The following ANKRD11 variants were observed in gnomAD, a reference collection of about 807,000 sequenced individuals.
ANKRD11 encodes the protein ankyrin repeat domain 11, also known as ankyrin repeat domain-containing protein 11.
In ANKRD11, 17 loss-of-function variants were observed where a neutral mutation model predicts 195.7. That is an observed-to-expected ratio of 0.09 (90% CI 0.06 to 0.13). The LOEUF is 0.13. Ranked by LOEUF, ANKRD11 falls within the 10% of genes least tolerant of loss-of-function variation. The pLI, the probability that ANKRD11 is intolerant of heterozygous loss-of-function variation, is 1.00. For missense variants in ANKRD11, 3,735 were observed against 3,566.1 expected (o/e 1.05, Z -1.21); for synonymous variants, 1,953 against 1,528.1 (o/e 1.28, Z -6.49).
chr16:89,301,455 C>A (rs2035848370), intron 4 of ANKRD11: 2 of 396,930 alleles, frequency 5.0e-6, no homozygotes, highest in Non-Finnish European at 8.9e-6. Context: ...AGGCCCCGGG[C>A]AGACAGGGCA....
intron 2 of ANKRD11, among the ~76,000 whole-genome samples, chr16:89,321,911 C>T (rs577902984): frequency 5.9e-5 from 9 of 152,254 alleles, no homozygotes; most frequent in South Asian, 2.1e-4. Context: ...ACCCGGAGGA[C>T]GAAAGCCATT....
At chr16:89,478,393 G>A (rs561870469) in intron 1 of ANKRD11, among the ~76,000 whole-genome samples, 31 of 151,908 alleles carry the variant, frequency 2.0e-4, no homozygotes, top group African/African-American at 7.2e-4. Context: ...ACAACTCATA[G>A]GAAAAAAGAT....
rs780657667 is a variant in ANKRD11, at chr16:89,418,378, G to C, written c.-144-10C>G. On this transcript the variant is annotated splice_polypyrimidine_tract_variant and intron_variant, in intron 1 of 12. Transcript: ENST00000301030. ...CAGGGCTGTATATATTCTGAAACAA[G>C]AGAGTGAGATTAGCTCATGTCAATA... 2 of 437,564 alleles carry C rather than the reference G, an allele frequency of 4.6e-6. No individual in the cohort carries two copies. Among genetic ancestry groups the C allele is most frequent in the South Asian group, 1.6e-5 (1 of 62,488 alleles). The allele number at this position is 437,564 out of a possible 1,614,324, so 27.1% of individuals were successfully genotyped here.
At chr16:89,290,118 C>G (rs2034926865) in intron 6 of ANKRD11, among the ~76,000 whole-genome samples, 1 of 152,268 alleles carries the variant, frequency 6.6e-6, no homozygotes, top group Non-Finnish European at 1.5e-5. Context: ...AACAGGGAAC[C>G]CCACTGGAGT....
Position 89,281,430 on chromosome 16 carries a change from G to A in ANKRD11, c.5112C>T (p.Pro1704=), listed in dbSNP as rs141292414. Residue 1704 remains proline (P), a synonymous_variant, in exon 9 of 13, where the codon CCC becomes CCT. Transcript: ENST00000301030. The surrounding 1 kb of genome is among the most constrained non-coding windows in gnomAD (Gnocchi z 5.5). ...RPDQSRPTGV[P]TPTSVLSCPS... The stretch of plus-strand genomic sequence containing the variant: ...GGCAGGATAGCACCGACGTAGGGGT[G>A]GGCACGCCAGTGGGCCGGCTCTGGT... The A allele has an allele frequency of 4.3e-6, 7 of 1,612,948 alleles. No individual in the cohort carries two copies. In the Admixed American group the frequency reaches 1.2e-4, roughly 27 times the overall value.
chr16:89,418,368 T>G lies in ANKRD11; in HGVS notation c.-144A>C, dbSNP rs1445197481. 1 of 441,140 alleles carries G rather than the reference T, an allele frequency of 2.3e-6. No individual in the cohort carries two copies. Among genetic ancestry groups the G allele is most frequent in the Admixed American group, 2.4e-5 (1 of 41,156 alleles). The allele number at this position is 441,140 out of a possible 1,614,324, so 27.3% of individuals were successfully genotyped here. ...TGTCCCAGAGCAGGGCTGTATATAT[T>G]CTGAAACAAGAGAGTGAGATTAGCT... On this transcript the variant is annotated splice_region_variant and 5_prime_UTR_variant, in exon 2 of 13. Transcript: ENST00000301030.
chr16:89,410,712 C>T (rs2042080525), intron 2 of ANKRD11, among the ~76,000 whole-genome samples: 1 of 152,222 alleles, frequency 6.6e-6, no homozygotes, highest in Admixed American at 6.5e-5. Flanking sequence ...GTCAACGATA[C>T]CAAAAGCTAT....
At chr16:89,410,626 G>A (rs74586371) in intron 2 of ANKRD11, among the ~76,000 whole-genome samples, 6,093 of 152,292 alleles carry the variant, frequency 0.04, 202 homozygotes, top group East Asian at 0.18. Context: ...TCCTGCTGAC[G>A]TGCTGACACC....
At chr16:89,482,553 C>T (rs948667167) in intron 1 of ANKRD11, among the ~76,000 whole-genome samples, 1 of 152,198 alleles carries the variant, frequency 6.6e-6, no homozygotes, top group African/African-American at 2.4e-5. Context: ...GAAAAGGGAA[C>T]TGAGGTTACT....
chr16:89,460,360 C>G (rs1007102133), intron 1 of ANKRD11, among the ~76,000 whole-genome samples: 6 of 152,002 alleles, frequency 3.9e-5, no homozygotes, highest in African/African-American at 1.5e-4. Flanking sequence ...GAGTTCAAGA[C>G]CAGCCTGGCC....
intron 9 of ANKRD11, 118 bp from the exon 10 acceptor site, chr16:89,275,309 G>A: frequency 1.2e-6 from 1 of 813,028 alleles, no homozygotes; most frequent in Non-Finnish European, 2.0e-6. Flanking sequence ...GCCTGCCCTG[G>A]AGGCCTCCTC....
At chr16:89,482,421 G>T (rs1162574046) in intron 1 of ANKRD11, among the ~76,000 whole-genome samples, 5 of 152,192 alleles carry the variant, frequency 3.3e-5, no homozygotes, top group African/African-American at 1.2e-4. Context: ...CGAGATTAAG[G>T]AGACATGACA....
intron 3 of ANKRD11, among the ~76,000 whole-genome samples, chr16:89,312,484 G>GGGTGT (rs1261333780): frequency 6.6e-6 from 1 of 152,236 alleles, no homozygotes; most frequent in Non-Finnish European, 1.5e-5. Context: ...AGGAGCTGGC[G>GGGTGT]GGCCACAGGC....
intron 2 of ANKRD11, chr16:89,323,347 G>A (rs1228728042): frequency 1.6e-6 from 2 of 1,288,718 alleles, no homozygotes; most frequent in Admixed American, 4.6e-5. Context: ...TGGAAGAGAA[G>A]CACCACTGGC....
At chr16:89,269,782 G>C (rs1284158972) in intron 12 of ANKRD11, among the ~76,000 whole-genome samples, 1 of 152,054 alleles carries the variant, frequency 6.6e-6, no homozygotes, top group Admixed American at 6.6e-5. Context: ...TTTTACTAGA[G>C]ACGAGGTTTC....
intron 2 of ANKRD11, among the ~76,000 whole-genome samples, chr16:89,385,337 C>G (rs538103447): frequency 6.6e-6 from 1 of 152,126 alleles, no homozygotes; most frequent in East Asian, 1.9e-4. Flanking sequence ...CCATGTTGGC[C>G]GGGCTGGTCT....
chr16:89,410,753 C>G (rs1029265486), intron 2 of ANKRD11, among the ~76,000 whole-genome samples: 1 of 152,246 alleles, frequency 6.6e-6, no homozygotes, highest in African/African-American at 2.4e-5. Flanking sequence ...AAAGAACCCT[C>G]GCTTCTCATT....
Position 89,305,262 on chromosome 16 carries a change from T to C in ANKRD11, c.170A>G (p.Lys57Arg). ...GCCCGCGGTGAAGGGCAGCTTCCGC[T>C]TGCTGGCTCGCTCCCTCACCTCCTT... Reference protein sequence around the residue: ...GGKEVRERASKRKLPFTAGAN... With the variant: ...GGKEVRERASRRKLPFTAGAN... The change falls in exon 4 of 13, where the codon AAG becomes AGG. Residue 57 changes from lysine (K) to arginine (R), a missense_variant. By Grantham distance (26) the Lys-to-Arg change is conservative. Transcript: ENST00000301030. 2 of 1,613,920 alleles carry C rather than the reference T, an allele frequency of 1.2e-6. No homozygotes were observed. Among genetic ancestry groups the C allele is most frequent in the African/African-American group, 1.3e-5 (1 of 75,044 alleles).
intron 9 of ANKRD11, among the ~76,000 whole-genome samples, chr16:89,276,473 C>T (rs1279875195): frequency 6.6e-6 from 1 of 152,206 alleles, no homozygotes; most frequent in Admixed American, 6.5e-5. Context: ...GGTCACGTCA[C>T]CTATGACACC....
Sources: gnomAD v4.1 joint callset for allele counts (sites outside exome capture counted in the v4.1 genomes callset) on GRCh38, gnomAD v4.1.1 for gene constraint, Gnocchi (gnomAD v3.1) non-coding constraint, MANE v1.5 for transcripts, NCBI Gene and HGNC (gene_info 2026-07-23, HGNC 2026-07-21) for gene names.